KANSL1: variants seen among roughly 807,000 people sequenced by gnomAD.
KANSL1 encodes MLL1/MLL complex subunit KANSL1.
KANSL1 carries 22 observed loss-of-function variants against 103.6 expected under a neutral mutation model. That is an observed-to-expected ratio of 0.21 (90% CI 0.15 to 0.30). KANSL1 has a LOEUF of 0.30. Ranked by LOEUF, KANSL1 falls within the 10% of genes least tolerant of loss-of-function variation. The pLI, the probability that KANSL1 is intolerant of heterozygous loss-of-function variation, is 1.00. For missense variants in KANSL1, 1,337 were observed against 1,399.8 expected (o/e 0.96, Z 0.72); for synonymous variants, 600 against 527.6 (o/e 1.14, Z -1.88).
chr17:46,096,311 C>CTTTTTTTTTTTTTTTCTTTTTTTTT (rs2042071023), intron 2 of KANSL1, among the ~76,000 whole-genome samples: 2 of 76,406 alleles, frequency 2.6e-5, no homozygotes, highest in South Asian at 6.8e-4. Context: ...GCTTTTTTTT[C>CTTTTTTTTTTTTTTTCTTTTTTTTT]TTTTTTTTTT....
intron 2 of KANSL1, among the ~76,000 whole-genome samples, chr17:46,138,954 A>G (rs1267889199): frequency 1.9e-4 from 29 of 152,160 alleles, no homozygotes; most frequent in Admixed American, 1.9e-3. Flanking sequence ...TCACTCAACT[A>G]CCCCCAGTGG....
rs1317123907 is a variant in KANSL1, at chr17:46,050,681, G to A, written c.1872C>T (p.Arg624=). ...AGGAGGGATTCACATCACAGCCAGG[G>A]CGGATTGTGCTGTTCCGGTGAACCT... ...SKKVHRNSTI[R]PGCDVNPSCA... is the part of the protein sequence containing the mutation. The change falls in exon 7 of 15, where the codon CGC becomes CGT. Residue 624 remains arginine, a synonymous_variant. Coordinates refer to ENST00000432791, the MANE Select transcript of KANSL1 (RefSeq NM_015443.4). 4 of 1,613,924 alleles carry A rather than the reference G, an allele frequency of 2.5e-6. No individual in the cohort carries two copies. The highest frequency in any genetic ancestry group is 3.4e-6 in the Non-Finnish European group (4 of 1,179,864).
intron 1 of KANSL1, among the ~76,000 whole-genome samples, chr17:46,175,310 C>CTGTGTGTGTGTGTG (rs71138529): frequency 1.1e-4 from 15 of 137,478 alleles, no homozygotes; most frequent in African/African-American, 3.1e-4. Context: ...TGTCTTATTG[C>CTGTGTGTGTGTGTG]TGTGTGTGTG....
Position 46,033,113 on chromosome 17 carries a change from G to T in KANSL1, c.2804C>A (p.Thr935Asn). 1 of 1,599,844 alleles carries T rather than the reference G, an allele frequency of 6.3e-7. No individual in the cohort carries two copies. The highest frequency in any genetic ancestry group is 1.1e-5 in the South Asian group (1 of 88,402). ...CCGCCGCTGGGGTGGCACACTCGTG[G>T]TCCACAGCCACCGTGCCCTCTCCAT... ...EEMERARWLW[T>N]TSVPPQRRGS... Residue 935 changes from threonine (T) to asparagine (N), a missense_variant, in exon 13 of 15, where the codon ACC becomes AAC. Thr to Asn is a moderately conservative substitution (Grantham distance 65). Transcript: ENST00000432791.
At chr17:46,217,646 T>C (rs1279966708) in intron 1 of KANSL1, among the ~76,000 whole-genome samples, 1 of 152,058 alleles carries the variant, frequency 6.6e-6, no homozygotes, top group Non-Finnish European at 1.5e-5. Flanking sequence ...CCCAGCACTT[T>C]GGGAGGCTGA....
chr17:46,046,666 A>G (rs955444695), intron 7 of KANSL1, among the ~76,000 whole-genome samples: 1 of 150,956 alleles, frequency 6.6e-6, no homozygotes, highest in Non-Finnish European at 1.5e-5. Context: ...TGAAACCCCC[A>G]TCTCTACTAA....
intron 2 of KANSL1, among the ~76,000 whole-genome samples, chr17:46,129,900 G>A (rs2043763670): frequency 1.3e-5 from 2 of 151,964 alleles, no homozygotes; most frequent in Non-Finnish European, 2.9e-5. Context: ...AATCATCTAG[G>A]GAGGGCTGGG....
At chr17:46,096,311 C>CTTTTTTTTTTTTTTTCTTTTT (rs2042071023) in intron 2 of KANSL1, among the ~76,000 whole-genome samples, 1 of 76,408 alleles carries the variant, frequency 1.3e-5, no homozygotes, top group Non-Finnish European at 2.5e-5. Flanking sequence ...GCTTTTTTTT[C>CTTTTTTTTTTTTTTTCTTTTT]TTTTTTTTTT....
intron 4 of KANSL1, among the ~76,000 whole-genome samples, chr17:46,073,479 T>C (rs1336299046): frequency 6.6e-6 from 1 of 152,142 alleles, no homozygotes; most frequent in Non-Finnish European, 1.5e-5. Context: ...AATATATACA[T>C]GTGTCTGCTC....
intron 10 of KANSL1, chr17:46,038,180 T>A: frequency 4.8e-6 from 1 of 208,782 alleles, no homozygotes; most frequent in Non-Finnish European, 9.5e-6. Context: ...TCTTGTTCAC[T>A]TCTTGGGCCA....
intron 2 of KANSL1, among the ~76,000 whole-genome samples, chr17:46,169,260 G>A (rs1299706140): frequency 1.3e-5 from 2 of 152,228 alleles, no homozygotes; most frequent in African/African-American, 2.4e-5. Context: ...ATGGGTTACG[G>A]AAGAAGCAAG....
intron 1 of KANSL1, among the ~76,000 whole-genome samples, chr17:46,174,434 C>T (rs984243146): frequency 3.9e-5 from 6 of 152,228 alleles, no homozygotes; most frequent in Admixed American, 1.3e-4. Flanking sequence ...CCGCCCACCT[C>T]GGCCTTCCAA....
chr17:46,097,387 G>A (rs1319124732), intron 2 of KANSL1, among the ~76,000 whole-genome samples: 3 of 152,106 alleles, frequency 2.0e-5, no homozygotes, highest in Non-Finnish European at 2.9e-5. Flanking sequence ...TGCAAAAGCT[G>A]CACAAAAATA....
chr17:46,136,548 T>C (rs1270807265), intron 2 of KANSL1, among the ~76,000 whole-genome samples: 1 of 152,216 alleles, frequency 6.6e-6, no homozygotes, highest in Non-Finnish European at 1.5e-5. Context: ...GTAACATACA[T>C]GACATAAACA....
chr17:46,143,072 A>C (rs1163350038), intron 2 of KANSL1, among the ~76,000 whole-genome samples: 3 of 152,262 alleles, frequency 2.0e-5, no homozygotes, highest in South Asian at 4.1e-4. Context: ...CCTTAAGTAC[A>C]CTGTAAAGAC....
At chr17:46,129,128 T>A (rs752332735) in intron 2 of KANSL1, among the ~76,000 whole-genome samples, 1 of 152,198 alleles carries the variant, frequency 6.6e-6, no homozygotes, top group East Asian at 1.9e-4. Context: ...CCTCAGAGAA[T>A]GTACCTGACC....
chr17:46,152,078 ACAC>A (rs1229401134), intron 2 of KANSL1, among the ~76,000 whole-genome samples: 1 of 152,256 alleles, frequency 6.6e-6, no homozygotes, highest in Admixed American at 6.5e-5. Flanking sequence ...TGCAATTTGA[ACAC>A]AACAAATGTT....
chr17:46,124,781 A>G (rs62063165), intron 2 of KANSL1, among the ~76,000 whole-genome samples: 21,653 of 151,616 alleles, frequency 0.14, 2,116 homozygotes, highest in Non-Finnish European at 0.22. Context: ...AGATGTGAAA[A>G]ACACAGCAAG....
rs541946204 is a variant in KANSL1, at chr17:46,059,647, A to AAAGAGAGAGAGAGAGAG, written c.1848+6889_1848+6890insCTCTCTCTCTCTCTCTT. 4.0e-4 allele frequency among the ~76,000 whole-genome samples: 22 copies of AAAGAGAGAGAGAGAGAG among 54,864 alleles called. 1 individual carries two copies. The highest frequency in any genetic ancestry group is 1.3e-4 in the Non-Finnish European group (4 of 29,998). The allele number at this position is 54,864 out of a possible 152,430, so 36.0% of individuals were successfully genotyped here. On this transcript the variant is annotated intron_variant, in intron 6 of 14. Transcript: ENST00000432791. ...TGACTCCAAAAAAAAAAAAAAAAAA[A>AAAGAGAGAGAGAGAGAG]AGAGAGAGAGAGAGAGAGAAAAGGA...
Sources: allele counts gnomAD v4.1 joint callset (sites outside exome capture counted in the v4.1 genomes callset), GRCh38; gene constraint gnomAD v4.1.1; transcripts MANE v1.5; gene names NCBI Gene and HGNC (gene_info 2026-07-23, HGNC 2026-07-21).